Variants in ICE1 observed in about 807,000 individuals in gnomAD.
ICE1 encodes the protein little elongation complex subunit 1.
In ICE1, 64 loss-of-function variants were observed where a neutral mutation model predicts 192.7. That is an observed-to-expected ratio of 0.33 (90% CI 0.27 to 0.41). The LOEUF is 0.41. Ranked by LOEUF, ICE1 falls within the 10% of genes least tolerant of loss-of-function variation. The probability of loss-of-function intolerance (pLI) is 1.00; values close to 1 mark genes in which losing one functional copy is unlikely to be tolerated. For synonymous variants in ICE1, 1,010 were observed against 984.5 expected (o/e 1.03, Z -0.49); for missense variants, 2,708 against 2,696.0 (o/e 1.00, Z -0.10).
chr5:5,473,408 A>C (rs1739221884), intron 15 of ICE1, 150 bp from the exon 16 acceptor site: 1 of 683,182 alleles, frequency 1.5e-6, no homozygotes, highest in Non-Finnish European at 2.4e-6. Context: ...TGACTAAGAT[A>C]AACATGGTTC....
At position 5,463,387 on chromosome 5, in the gene ICE1, T is replaced by C. The variant is rs1174216380; in HGVS notation, c.4053T>C (p.Asp1351=). 1.2e-6 allele frequency: 2 copies of C among 1,613,704 alleles called. No individual in the cohort carries two copies. The highest frequency in any genetic ancestry group is 1.7e-6 in the Non-Finnish European group (2 of 1,179,842). The change falls in exon 13 of 19, where the codon GAT becomes GAC. Residue 1351 remains aspartate, a synonymous_variant. Transcript: ENST00000296564. ...NPQSRPEARS[D]AGRQTDGGEE... ...AGAGCAGACCAGAGGCCCGTTCAGA[T>C]GCAGGCAGGCAAACCGATGGTGGGG...
chr5:5,463,973 G>C lies in ICE1; in HGVS notation c.4639G>C (p.Glu1547Gln), dbSNP rs1738890247. 2.5e-6 allele frequency: 4 copies of C among 1,613,802 alleles called. No homozygotes were observed. Among genetic ancestry groups the C allele is most frequent in the Middle Eastern group, 1.6e-4 (1 of 6,062 alleles). ...SDHTYYNSKLEPSGKNKNRSK... is the reference protein window; with the variant it reads ...SDHTYYNSKLQPSGKNKNRSK... ...TCACACATATTATAACTCAAAACTA[G>C]AGCCATCTGGCAAAAATAAGAATCG... Residue 1547 changes from glutamate (E) to glutamine (Q), a missense_variant, in exon 13 of 19, where the codon GAG becomes CAG. Glu to Gln is a conservative substitution (Grantham distance 29). This residue lies in a region of ICE1 where 2,366 missense variants were observed against 2,276.6 expected (regional missense o/e 1.04). Coordinates refer to ENST00000296564, the MANE Select transcript of ICE1 (RefSeq NM_015325.3).
chr5:5,422,823 G>T lies in ICE1; in HGVS notation c.-93G>T. On this transcript the variant is annotated 5_prime_UTR_variant, in exon 1 of 19. It adds an upstream start codon to the 5' untranslated region. Coordinates refer to ENST00000296564, the MANE Select transcript of ICE1 (RefSeq NM_015325.3). ...GGACCTGGCGGGAAGCGGCCTGGCA[G>T]GCGGCGGCCCCGGCGGCATCAGCAG... 1.0e-6 allele frequency: 1 copy of T among 958,148 alleles called. No individual in the cohort carries two copies. The highest frequency in any genetic ancestry group is 4.7e-5 in the South Asian group (1 of 21,440). 59.4% of individuals were successfully genotyped at this position (958,148 alleles called of 1,614,324 possible). A position where few individuals can be genotyped will look rare whatever the true frequency, so the allele number is the denominator to read the frequency against.
At chr5:5,465,247 A>C in intron 13 of ICE1, 21 bp downstream of exon 13, 3 of 1,500,218 alleles carry the variant, frequency 2.0e-6, no homozygotes, top group Non-Finnish European at 2.7e-6. Flanking sequence ...GCTCTTTTCT[A>C]AGTGCATTAG....
intron 1 of ICE1, among the ~76,000 whole-genome samples, chr5:5,424,805 CTG>C (rs1448930586): frequency 3.9e-5 from 6 of 152,150 alleles, no homozygotes; most frequent in Non-Finnish European, 8.8e-5. Flanking sequence ...ATGTGAAGAA[CTG>C]TAGCAGGAGC....
In ICE1 at chr5:5,464,133, A is replaced by G. The variant is rs201904453; in HGVS notation, c.4799A>G (p.Gln1600Arg). Reference sequence around the variant, plus strand: ...GCTAATACAAAAACTCAAAGAAGCCAAACTCAGACCATTTTAGCAAATGCT... The same window carrying G: ...GCTAATACAAAAACTCAAAGAAGCCGAACTCAGACCATTTTAGCAAATGCT... Reference protein sequence around the residue: ...EKANTKTQRSQTQTILANADT... With the variant: ...EKANTKTQRSRTQTILANADT... The change falls in exon 13 of 19, where the codon CAA (glutamine) becomes CGA (arginine). Residue 1600 changes from glutamine to arginine, a missense_variant. Gln to Arg is a conservative substitution (Grantham distance 43). This residue lies in a region of ICE1 where 2,366 missense variants were observed against 2,276.6 expected (regional missense o/e 1.04). Coordinates refer to ENST00000296564, the MANE Select transcript of ICE1 (RefSeq NM_015325.3). The surrounding 1 kb of genome is among the most constrained non-coding windows in gnomAD (Gnocchi z 4.0). The G allele has an allele frequency of 1.1e-3, 1,714 of 1,613,636 alleles. 2 individuals are homozygous for G. The highest frequency in any genetic ancestry group is 1.3e-3 in the Non-Finnish European group (1,584 of 1,179,892).
At chr5:5,458,011 T>C (rs1738639461) in intron 12 of ICE1, among the ~76,000 whole-genome samples, 1 of 152,188 alleles carries the variant, frequency 6.6e-6, no homozygotes, top group Non-Finnish European at 1.5e-5. Context: ...GAAGGCTGTG[T>C]CTTAATTGTT....
At chr5:5,446,162 A>G (rs1214104102) in intron 7 of ICE1, among the ~76,000 whole-genome samples, 1 of 151,162 alleles carries the variant, frequency 6.6e-6, no homozygotes, top group Non-Finnish European at 1.5e-5. Context: ...GGTGTGTGCT[A>G]CCACACCTGC....
At position 5,464,200 on chromosome 5, in the gene ICE1, T is replaced by G. The variant is rs748896553; in HGVS notation, c.4866T>G (p.Ser1622Arg). Reference sequence around the variant, plus strand: ...CAGATTGTTCTCCTGACACACTGAGTAAAATACGGCAAGAGGTGGGGCCTC... The same window carrying G: ...CAGATTGTTCTCCTGACACACTGAGGAAAATACGGCAAGAGGTGGGGCCTC... ...TPTDCSPDTL[S>R]KIRQEVGPPL... Residue 1622 changes from serine to arginine, a missense_variant, in exon 13 of 19, where the codon AGT (serine) becomes AGG (arginine). By Grantham distance (110) the Ser-to-Arg change is moderately radical. Around this residue, in one of 2 missense-constraint regions of ICE1, gnomAD observed 2,366 missense variants for 2,276.6 expected, o/e 1.04. Transcript: ENST00000296564. This position sits in a 1 kb window ranked among gnomAD's most constrained non-coding sequence, Gnocchi z 4.0. 3.1e-6 allele frequency: 5 copies of G among 1,613,518 alleles called. No individual in the cohort carries two copies. Among genetic ancestry groups the G allele is most frequent in the Non-Finnish European group, 8.5e-7 (1 of 1,179,860 alleles).
chr5:5,482,956 A>C (rs1416749716), intron 17 of ICE1, among the ~76,000 whole-genome samples: 1 of 152,078 alleles, frequency 6.6e-6, no homozygotes, highest in Non-Finnish European at 1.5e-5. Flanking sequence ...TAAGTCACAC[A>C]CTAATCTTCA....
rs760062819 is a variant in ICE1 at position 5,461,115 on chromosome 5, A to C, written c.1781A>C (p.Lys594Thr). The change falls in exon 13 of 19, where the codon AAG becomes ACG. Residue 594 changes from lysine to threonine, a missense_variant. Coordinates refer to ENST00000296564, the MANE Select transcript of ICE1 (RefSeq NM_015325.3). ...HFHRLSRELE[K>T]EKEDTQGFTL... The stretch of plus-strand genomic sequence containing the variant: ...CACAGACTATCTAGAGAATTGGAAA[A>C]GGAAAAAGAAGATACTCAAGGGTTC... The C allele has an allele frequency of 4.3e-5, 69 of 1,613,930 alleles. No individual in the cohort carries two copies. The highest frequency in any genetic ancestry group is 5.8e-5 in the Non-Finnish European group (68 of 1,179,890).
intron 17 of ICE1, among the ~76,000 whole-genome samples, chr5:5,485,024 G>T (rs1433543323): frequency 6.6e-6 from 1 of 152,024 alleles, no homozygotes; most frequent in Non-Finnish European, 1.5e-5. Context: ...GGAAGGCTGC[G>T]AGTGTAGGGG....
rs1229026710 is a variant in ICE1 at position 5,463,481 on chromosome 5, G to C, written c.4147G>C (p.Glu1383Gln). 3 of 1,612,902 alleles carry C rather than the reference G, an allele frequency of 1.9e-6. No individual in the cohort carries two copies. Among genetic ancestry groups the C allele is most frequent in the East Asian group, 4.5e-5 (2 of 44,874 alleles). ...TGACTCTGTGATGGAGCCATCCATAGAGCAAAGTTCTAACTGCGAGGCCGA... is the reference window on the plus strand; with the variant it reads ...TGACTCTGTGATGGAGCCATCCATACAGCAAAGTTCTAACTGCGAGGCCGA... ...CSDSVMEPSI[E>Q]QSSNCEAETT... The change falls in exon 13 of 19, where the codon GAG becomes CAG. Residue 1383 changes from glutamate (E) to glutamine (Q), a missense_variant. Around this residue, in one of 2 missense-constraint regions of ICE1, gnomAD observed 2,366 missense variants for 2,276.6 expected, o/e 1.04. Coordinates refer to ENST00000296564, the MANE Select transcript of ICE1 (RefSeq NM_015325.3).
Position 5,465,184 on chromosome 5 carries a change from T to G in ICE1, c.5850T>G (p.Asp1950Glu). The G allele has an allele frequency of 6.3e-7, 1 of 1,598,260 alleles. No individual in the cohort carries two copies. Among genetic ancestry groups the G allele is most frequent in the Non-Finnish European group, 8.5e-7 (1 of 1,171,642 alleles). The change falls in exon 13 of 19, where the codon GAT becomes GAG. Residue 1950 changes from aspartate to glutamate, a missense_variant. Asp to Glu is a conservative substitution (Grantham distance 45, BLOSUM62 2). This residue lies in a region of ICE1 where 342 missense variants were observed against 419.3 expected (regional missense o/e 0.82). Transcript: ENST00000296564. ...GNISKKPVMR[D>E]QEKEVVYEFS... is the part of the protein sequence containing the mutation. Reference sequence around the variant, plus strand: ...TCTCCAAAAAGCCCGTAATGAGAGATCAAGAGAAGGAAGTTGTTTATGAAT... The same window carrying G: ...TCTCCAAAAAGCCCGTAATGAGAGAGCAAGAGAAGGAAGTTGTTTATGAAT...
In ICE1 at chr5:5,464,979, C is replaced by T. The variant is rs1738939858; in HGVS notation, c.5645C>T (p.Thr1882Ile). The T allele has an allele frequency of 3.1e-6, 5 of 1,613,684 alleles. No homozygotes were observed. The highest frequency in any genetic ancestry group is 1.1e-5 in the South Asian group (1 of 91,030). ...AACCTCCCTCCAGCTGAAGTTGCAACAACAAATGAGGAAAGAAGTTGTTCT... is the reference window on the plus strand; with the variant it reads ...AACCTCCCTCCAGCTGAAGTTGCAATAACAAATGAGGAAAGAAGTTGTTCT... ...PGNLPPAEVA[T>I]TNEERSCSSP... The change falls in exon 13 of 19, where the codon ACA (threonine) becomes ATA (isoleucine). Residue 1882 changes from threonine (T) to isoleucine (I), a missense_variant. Thr to Ile is a moderately conservative substitution (Grantham distance 89, BLOSUM62 -1). Coordinates refer to ENST00000296564, the MANE Select transcript of ICE1 (RefSeq NM_015325.3). This position sits in a 1 kb window ranked among gnomAD's most constrained non-coding sequence, Gnocchi z 4.0.
At chr5:5,447,589 G>A (rs961727619) in intron 8 of ICE1, 80 bp downstream of exon 8, 163 of 1,368,328 alleles carry the variant, frequency 1.2e-4, no homozygotes, top group Middle Eastern at 3.6e-4. Context: ...TGTAACTCAC[G>A]TAGGAGTCAA....
chr5:5,437,029 G>T (rs935529119), intron 2 of ICE1, 51 bp from the exon 3 acceptor site: 2 of 1,132,410 alleles, frequency 1.8e-6, no homozygotes, highest in South Asian at 1.3e-5. Context: ...TTTTAACATA[G>T]TATATTTTCT....
chr5:5,474,962 A>G (rs1002755633), intron 16 of ICE1, among the ~76,000 whole-genome samples: 2 of 152,354 alleles, frequency 1.3e-5, no homozygotes, highest in East Asian at 1.9e-4. Flanking sequence ...ATGGATTACT[A>G]TGTATTGACA....
At chr5:5,459,422 G>A (rs1738686913) in intron 12 of ICE1, among the ~76,000 whole-genome samples, 1 of 152,198 alleles carries the variant, frequency 6.6e-6, no homozygotes, top group Non-Finnish European at 1.5e-5. Flanking sequence ...GATACTGGAG[G>A]GAGGCTGTGG....
Sources: gnomAD v4.1 joint callset for allele counts (sites outside exome capture counted in the v4.1 genomes callset) on GRCh38, gnomAD v4.1.1 for gene constraint, gnomAD v4.1.1 regional missense constraint, Gnocchi (gnomAD v3.1) non-coding constraint, MANE v1.5 for transcripts, NCBI Gene and HGNC (gene_info 2026-07-23, HGNC 2026-07-21) for gene names.